Variants in EDIL3 observed in about 807,000 individuals in gnomAD.
EDIL3 encodes EGF like and discoidin domains 3.
Under a neutral mutation model 67.4 loss-of-function variants are expected in EDIL3, and 37 were observed. That is an observed-to-expected ratio of 0.55 (90% CI 0.42 to 0.72). The LOEUF (loss-of-function observed/expected upper bound fraction) is 0.72. Among genes scored for constraint, EDIL3 ranks in the 30% least tolerant of loss-of-function variants. The probability of loss-of-function intolerance (pLI) is 0.00; values close to 1 mark genes in which losing one functional copy is unlikely to be tolerated. For synonymous variants in EDIL3, 195 were observed against 196.3 expected, an observed-to-expected ratio of 0.99 and a Z score of 0.05; for missense variants, 527 against 586.3, an observed-to-expected ratio of 0.90 and a Z score of 1.04.
intron 9 of EDIL3, among the ~76,000 whole-genome samples, chr5:83,971,991 T>C (rs368363944): frequency 2.0e-5 from 3 of 152,274 alleles, no homozygotes; most frequent in South Asian, 4.1e-4. Flanking sequence ...CCATTGTTTA[T>C]TTCTCTATTA....
chr5:84,238,052 AGATATAAATAAT>A (rs1744713517), intron 2 of EDIL3, among the ~76,000 whole-genome samples: 1 of 152,118 alleles, frequency 6.6e-6, no homozygotes, highest in Non-Finnish European at 1.5e-5. Context: ...GTGTCTTCTG[AGATATAAATAAT>A]ATAAAACTTC....
chr5:84,217,744 A>C (rs1027217518), intron 3 of EDIL3, among the ~76,000 whole-genome samples: 6 of 151,350 alleles, frequency 4.0e-5, no homozygotes, highest in Admixed American at 1.3e-4. Flanking sequence ...ACACACACAC[A>C]CACACACACA....
At position 84,229,898 on chromosome 5, in the gene EDIL3, A is replaced by G. The variant is rs781508019; in HGVS notation, c.197-14T>C. On this transcript the variant is annotated splice_polypyrimidine_tract_variant and intron_variant, in intron 2 of 10. Coordinates refer to ENST00000296591, the MANE Select transcript of EDIL3 (RefSeq NM_005711.5). Reference sequence around the variant, plus strand: ...CTTCATCTGATGCTATGATAAGAGGAAAAGGTGAAATGGGGGTGGGGTAGA... The same window carrying G: ...CTTCATCTGATGCTATGATAAGAGGGAAAGGTGAAATGGGGGTGGGGTAGA... 1.3e-6 allele frequency: 2 copies of G among 1,599,990 alleles called. No individual in the cohort carries two copies. The highest frequency in any genetic ancestry group is 1.7e-6 in the Non-Finnish European group (2 of 1,171,784).
chr5:84,173,243 T>C (rs572479686), intron 4 of EDIL3, among the ~76,000 whole-genome samples: 1 of 152,238 alleles, frequency 6.6e-6, no homozygotes, highest in African/African-American at 2.4e-5. Context: ...TGGATCTGAC[T>C]GAGTGAGGGT....
intron 1 of EDIL3, among the ~76,000 whole-genome samples, chr5:84,375,806 C>T (rs557350279): frequency 3.3e-5 from 5 of 152,296 alleles, no homozygotes; most frequent in East Asian, 3.9e-4. Context: ...CATTCTAACA[C>T]ATTAACACTT....
chr5:83,990,605 G>T (rs1322335948), intron 9 of EDIL3, among the ~76,000 whole-genome samples: 2 of 152,020 alleles, frequency 1.3e-5, no homozygotes, highest in Non-Finnish European at 2.9e-5. Flanking sequence ...GGTTGGCCGG[G>T]CACGGTGGCT....
chr5:84,029,636 T>C (rs1396189789), intron 9 of EDIL3, among the ~76,000 whole-genome samples: 1 of 152,140 alleles, frequency 6.6e-6, no homozygotes, highest in Non-Finnish European at 1.5e-5. Context: ...TACGTTCACT[T>C]TGAGAAATTT....
At position 84,191,244 on chromosome 5, in the gene EDIL3, T is replaced by C. The variant is rs541337515; in HGVS notation, c.227-10723A>G. ...AGCTACAGTTCTTTCTCCTATAATA[T>C]AGCATAGTGATTTTTGATCTTGAAG... On this transcript the variant is annotated intron_variant, in intron 3 of 10. Coordinates refer to ENST00000296591, the MANE Select transcript of EDIL3 (RefSeq NM_005711.5). 2.0e-5 allele frequency among the ~76,000 whole-genome samples: 3 copies of C among 152,204 alleles called. No homozygotes were observed. The South Asian group carries it at 6.2e-4, about 32-fold the overall frequency.
At chr5:83,953,197 T>C (rs1038459097) in intron 10 of EDIL3, among the ~76,000 whole-genome samples, 6 of 151,848 alleles carry the variant, frequency 4.0e-5, no homozygotes, top group Non-Finnish European at 8.8e-5. Context: ...TCAAATATTT[T>C]GAATATACTT....
At chr5:84,307,601 G>A (rs777867766) in intron 1 of EDIL3, among the ~76,000 whole-genome samples, 1 of 152,182 alleles carries the variant, frequency 6.6e-6, no homozygotes, top group African/African-American at 2.4e-5. Flanking sequence ...TTGGGTCAAG[G>A]AAATACCAGA....
At chr5:84,209,223 T>C in intron 3 of EDIL3, among the ~76,000 whole-genome samples, 1 of 148,046 alleles carries the variant, frequency 6.8e-6, no homozygotes, top group East Asian at 2.0e-4. Flanking sequence ...TGGGGACTGT[T>C]GTGGGGTGGG....
chr5:84,204,607 C>G (rs529753733), intron 3 of EDIL3, among the ~76,000 whole-genome samples: 1 of 152,064 alleles, frequency 6.6e-6, no homozygotes, highest in East Asian at 1.9e-4. Context: ...ATACATACAA[C>G]CTGCCCATCC....
At chr5:83,969,426 A>G (rs1479039091) in intron 9 of EDIL3, among the ~76,000 whole-genome samples, 1 of 151,892 alleles carries the variant, frequency 6.6e-6, no homozygotes, top group Non-Finnish European at 1.5e-5. Flanking sequence ...TAAAAGAAAC[A>G]TACAAATAAT....
At chr5:84,358,025 A>G (rs940681608) in intron 1 of EDIL3, among the ~76,000 whole-genome samples, 1 of 152,164 alleles carries the variant, frequency 6.6e-6, no homozygotes, top group Non-Finnish European at 1.5e-5. Context: ...AGGTTTATAC[A>G]GAAATCTCAG....
chr5:84,125,460 TCATG>T (rs1271322676), intron 5 of EDIL3, among the ~76,000 whole-genome samples: 1 of 152,140 alleles, frequency 6.6e-6, no homozygotes, highest in East Asian at 1.9e-4. Context: ...AGAAAGAAGG[TCATG>T]TCAATGATAG....
At chr5:84,072,853 G>A (rs377123782) in intron 6 of EDIL3, among the ~76,000 whole-genome samples, 2 of 152,194 alleles carry the variant, frequency 1.3e-5, no homozygotes, top group African/African-American at 4.8e-5. Context: ...ATGGAGGGAT[G>A]GTGGAGGGAG....
At chr5:84,047,956 A>T (rs1561414021) in intron 9 of EDIL3, 1 of 152,264 alleles carries the variant, frequency 6.6e-6, no homozygotes. Flanking sequence ...AATCAAAAAG[A>T]TTTCTTATTC....
chr5:83,969,156 A>G (rs1744748200), intron 9 of EDIL3, among the ~76,000 whole-genome samples: 1 of 151,722 alleles, frequency 6.6e-6, no homozygotes. Flanking sequence ...AAATATTTTT[A>G]TATTGTCTAT....
chr5:83,974,107 T>C (rs1744837753), intron 9 of EDIL3, among the ~76,000 whole-genome samples: 2 of 152,052 alleles, frequency 1.3e-5, no homozygotes, highest in African/African-American at 4.8e-5. Context: ...CATCAGACCA[T>C]GTGAGCCTGA....
Sources: allele counts gnomAD v4.1 joint callset (sites outside exome capture counted in the v4.1 genomes callset), GRCh38; gene constraint gnomAD v4.1.1; transcripts MANE v1.5; gene names NCBI Gene and HGNC (gene_info 2026-07-23, HGNC 2026-07-21).